Variants in TEX11 observed in about 807,000 individuals in gnomAD.
TEX11 encodes testis-expressed protein 11.
Under a neutral mutation model 84.4 loss-of-function variants are expected in TEX11, and 7 were observed. That is an observed-to-expected ratio of 0.08 (90% CI 0.05 to 0.16). TEX11 has a LOEUF of 0.16. Ranked by LOEUF, TEX11 falls within the 10% of genes least tolerant of loss-of-function variation. The pLI, the probability that TEX11 is intolerant of heterozygous loss-of-function variation, is 1.00. For missense variants in TEX11, 551 were observed against 660.5 expected (o/e 0.83, Z 1.82); for synonymous variants, 264 against 222.8 (o/e 1.18, Z -1.64).
chrX:70,710,144 C>A (rs1211287620), intron 13 of TEX11, among the ~76,000 whole-genome samples: 2 of 110,919 alleles, frequency 1.8e-5, no homozygotes, highest in African/African-American at 6.5e-5. Context: ...GGGGGCCTGA[C>A]GCCTTTCACC....
chrX:70,623,817 C>A, intron 20 of TEX11, 133 bp downstream of exon 20: 1 of 452,213 alleles, frequency 2.2e-6, no homozygotes, highest in Non-Finnish European at 3.5e-6. Flanking sequence ...AGGATATGAA[C>A]CCAGGAAGAC....
At chrX:70,545,012 C>A (rs1411544000) in intron 28 of TEX11, among the ~76,000 whole-genome samples, 2 of 109,968 alleles carry the variant, frequency 1.8e-5, no homozygotes, top group Non-Finnish European at 3.8e-5. Flanking sequence ...TGAGGCCAGC[C>A]TGGCCAATGT....
At chrX:70,522,542 CTTTGT>C in the TEX11 span, among the ~76,000 whole-genome samples, 1 of 110,573 alleles carries the variant, frequency 9.0e-6, no homozygotes, top group African/African-American at 3.3e-5. Flanking sequence ...ACAGAGAGTT[CTTTGT>C]TTTGAGATGG....
At chrX:70,766,678 T>G (rs922290629) in intron 9 of TEX11, among the ~76,000 whole-genome samples, 1 of 111,345 alleles carries the variant, frequency 9.0e-6, no homozygotes, top group East Asian at 2.8e-4. Flanking sequence ...AAAGCTATCC[T>G]AAGCGAAAAG....
chrX:70,595,222 T>C (rs1210975576), intron 24 of TEX11, among the ~76,000 whole-genome samples: 1 of 110,542 alleles, frequency 9.0e-6, no homozygotes, highest in Non-Finnish European at 1.9e-5. Flanking sequence ...GCTGGGATTA[T>C]AGGCACCTGC....
intron 2 of TEX11, among the ~76,000 whole-genome samples, chrX:70,893,878 A>G (rs1244118688): frequency 8.9e-6 from 1 of 111,872 alleles, no homozygotes; most frequent in Non-Finnish European, 1.9e-5. Context: ...ATAATAAAAA[A>G]TTATAAAGAG....
At chrX:70,807,283 A>G (rs902753172) in intron 8 of TEX11, among the ~76,000 whole-genome samples, 1 of 111,756 alleles carries the variant, frequency 8.9e-6, no homozygotes, top group African/African-American at 3.3e-5. Flanking sequence ...AATTCTAAAA[A>G]TTCTGAAGTT....
intron 13 of TEX11, among the ~76,000 whole-genome samples, chrX:70,708,042 G>C (rs1199678578): frequency 9.1e-6 from 1 of 110,114 alleles, no homozygotes; most frequent in African/African-American, 3.3e-5. Flanking sequence ...GAATCTATAA[G>C]GAACTTTAAA....
intron 9 of TEX11, among the ~76,000 whole-genome samples, chrX:70,795,544 C>T (rs942917418): frequency 4.5e-5 from 5 of 111,913 alleles, no homozygotes; most frequent in South Asian, 3.8e-4. Flanking sequence ...CCCAGTACTA[C>T]GCTGGCTTCA....
At chrX:70,638,950 C>T (rs1315829657) in intron 17 of TEX11, among the ~76,000 whole-genome samples, 2 of 110,307 alleles carry the variant, frequency 1.8e-5, no homozygotes, top group African/African-American at 6.6e-5. Flanking sequence ...CTACAGCTCC[C>T]AGCATGAACC....
intron 9 of TEX11, among the ~76,000 whole-genome samples, chrX:70,757,567 A>G (rs1319806156): frequency 8.9e-6 from 1 of 112,025 alleles, no homozygotes; most frequent in Non-Finnish European, 1.9e-5. Flanking sequence ...AGACAAGTAA[A>G]TGCTGAGACA....
chrX:70,589,279 A>T (rs1170847327), intron 25 of TEX11, among the ~76,000 whole-genome samples: 1 of 33,294 alleles, frequency 3.0e-5, no homozygotes, highest in South Asian at 2.8e-3. Context: ...TAATGTATAG[A>T]CAGTTAAAAA....
At chrX:70,815,722 C>A (rs2091282768) in intron 8 of TEX11, among the ~76,000 whole-genome samples, 1 of 111,080 alleles carries the variant, frequency 9.0e-6, no homozygotes, top group African/African-American at 3.3e-5. Context: ...TAAGGGGGGA[C>A]TACTGCATTG....
chrX:70,586,740 G>A (rs1440803485), intron 25 of TEX11, among the ~76,000 whole-genome samples: 1 of 112,106 alleles, frequency 8.9e-6, no homozygotes. Flanking sequence ...GGCGAGAATG[G>A]ACTAATACAG....
chrX:70,820,102 T>C (rs2147821021), intron 8 of TEX11, among the ~76,000 whole-genome samples: 1 of 112,199 alleles, frequency 8.9e-6, no homozygotes, highest in East Asian at 2.8e-4. Context: ...AGAATCCAAA[T>C]AGCCAAAGAA....
At chrX:70,588,244 G>A (rs1402380175) in intron 25 of TEX11, among the ~76,000 whole-genome samples, 1 of 111,547 alleles carries the variant, frequency 9.0e-6, no homozygotes. Flanking sequence ...CATGAGATTT[G>A]GGAGGGTCCG....
chrX:70,873,353 C>T (rs771359332), intron 3 of TEX11, 46 bp from the exon 4 acceptor site: 8 of 827,019 alleles, frequency 9.7e-6, no homozygotes, highest in Middle Eastern at 2.8e-4. Context: ...ATACTGGCCA[C>T]CTCCAACGGT....
chrX:70,684,566 A>T (rs1411487047), intron 13 of TEX11, among the ~76,000 whole-genome samples: 1 of 112,375 alleles, frequency 8.9e-6, no homozygotes, highest in East Asian at 2.8e-4. Context: ...AGAGTGAGTG[A>T]GACTCCATCT....
At chrX:70,552,060 T>C (rs2088221532) in intron 28 of TEX11, 66 bp downstream of exon 28, 4 of 1,078,006 alleles carry the variant, frequency 3.7e-6, no homozygotes, top group Non-Finnish European at 4.9e-6. Flanking sequence ...GTATATAATT[T>C]ATAGTACACA....
Sources: gnomAD v4.1 joint callset for allele counts (sites outside exome capture counted in the v4.1 genomes callset) on GRCh38, gnomAD v4.1.1 for gene constraint, MANE v1.5 for transcripts, NCBI Gene and HGNC (gene_info 2026-07-23, HGNC 2026-07-21) for gene names.